The following MARCHF1 variants were observed in gnomAD, a reference collection of about 807,000 sequenced individuals.
The protein encoded by MARCHF1 is membrane associated ring-CH-type finger 1.
MARCHF1 carries 40 observed loss-of-function variants against 54.2 expected under a neutral mutation model. The ratio of observed to expected loss-of-function variants is 0.74; its 90% confidence interval spans 0.57 to 0.96. The LOEUF is 0.96. MARCHF1 is among the 40% of genes least tolerant of loss of function. The probability of loss-of-function intolerance (pLI) is 0.00; values close to 1 mark genes in which losing one functional copy is unlikely to be tolerated. For missense variants in MARCHF1, 586 were observed against 656.5 expected (o/e 0.89, Z 1.17); for synonymous variants, 236 against 236.3 (o/e 1.00, Z 0.01).
At chr4:164,103,151 C>T (rs1236516330) in intron 2 of MARCHF1, among the ~76,000 whole-genome samples, 1 of 48,772 alleles carries the variant, frequency 2.1e-5, no homozygotes, top group African/African-American at 6.7e-5. Context: ...CTTAGACTCC[C>T]ACACATTAAT....
chr4:163,767,973 A>C (rs892344287), intron 4 of MARCHF1, among the ~76,000 whole-genome samples: 5 of 152,172 alleles, frequency 3.3e-5, no homozygotes, highest in African/African-American at 1.2e-4. Flanking sequence ...TTTGGTTTAA[A>C]GTTTCAGCTT....
At chr4:164,216,399 G>A (rs1731930785) in intron 1 of MARCHF1, among the ~76,000 whole-genome samples, 1 of 152,122 alleles carries the variant, frequency 6.6e-6, no homozygotes, top group African/African-American at 2.4e-5. Flanking sequence ...AAATCTGCAA[G>A]TCTCATCAGT....
intron 3 of MARCHF1, among the ~76,000 whole-genome samples, chr4:163,862,365 A>G (rs1749957924): frequency 6.6e-6 from 1 of 152,072 alleles, no homozygotes; most frequent in Non-Finnish European, 1.5e-5. Context: ...CAACAATTAG[A>G]AAGTGAAGTA....
intron 4 of MARCHF1, among the ~76,000 whole-genome samples, chr4:163,716,957 C>T (rs1404709395): frequency 4.6e-5 from 7 of 151,986 alleles, no homozygotes; most frequent in South Asian, 2.1e-4. Flanking sequence ...TTAAATTTAA[C>T]ACTTATTAAA....
chr4:164,165,350 C>T (rs1455534693), intron 1 of MARCHF1, among the ~76,000 whole-genome samples: 1 of 148,792 alleles, frequency 6.7e-6, no homozygotes, highest in Non-Finnish European at 1.5e-5. Flanking sequence ...AACACAAGCA[C>T]GTTTTCTCTC....
intron 4 of MARCHF1, among the ~76,000 whole-genome samples, chr4:163,844,724 TG>T (rs1284462131): frequency 7.2e-5 from 11 of 152,212 alleles, no homozygotes; most frequent in Admixed American, 7.2e-4. Flanking sequence ...ATTCCTATTT[TG>T]TTCCATGATA....
At chr4:163,611,191 A>G (rs1486494913) in intron 7 of MARCHF1, among the ~76,000 whole-genome samples, 1 of 152,094 alleles carries the variant, frequency 6.6e-6, no homozygotes, top group East Asian at 1.9e-4. Flanking sequence ...ATTATTTTCA[A>G]TGTCTAGAAT....
At chr4:163,752,112 G>A (rs2110784731) in intron 4 of MARCHF1, among the ~76,000 whole-genome samples, 1 of 152,300 alleles carries the variant, frequency 6.6e-6, no homozygotes, top group African/African-American at 2.4e-5. Context: ...GAAGACGGCT[G>A]TAATAATGTG....
chr4:163,624,830 G>A (rs906310862), intron 5 of MARCHF1, among the ~76,000 whole-genome samples: 3 of 152,172 alleles, frequency 2.0e-5, no homozygotes, highest in African/African-American at 7.2e-5. Flanking sequence ...TTGAGAAATA[G>A]GAAAATATTA....
intron 5 of MARCHF1, 55 bp downstream of exon 5, chr4:163,700,758 T>C: frequency 8.0e-7 from 1 of 1,245,726 alleles, no homozygotes; most frequent in Non-Finnish European, 1.1e-6. Flanking sequence ...TAAACATTTA[T>C]GTGAACTCAT....
At chr4:163,708,164 T>C (rs904816245) in intron 4 of MARCHF1, among the ~76,000 whole-genome samples, 2 of 151,678 alleles carry the variant, frequency 1.3e-5, no homozygotes, top group African/African-American at 4.8e-5. Context: ...AGGCTCATTG[T>C]ACTCTTTTGA....
intron 2 of MARCHF1, among the ~76,000 whole-genome samples, chr4:164,098,170 A>T (rs754233221): frequency 6.6e-5 from 10 of 152,162 alleles, no homozygotes; most frequent in Non-Finnish European, 1.0e-4. Context: ...ATCTAAAACA[A>T]AATTTCAGAT....
intron 4 of MARCHF1, among the ~76,000 whole-genome samples, chr4:163,824,029 T>C (rs1748773290): frequency 6.6e-6 from 1 of 151,448 alleles, no homozygotes; most frequent in Non-Finnish European, 1.5e-5. Context: ...TATCACAATA[T>C]CTAGAAAAGC....
chr4:164,299,040 TA>T (rs1170100327), intron 1 of MARCHF1, among the ~76,000 whole-genome samples: 2 of 152,288 alleles, frequency 1.3e-5, no homozygotes, highest in Non-Finnish European at 2.9e-5. Flanking sequence ...CATTTTAAAG[TA>T]TGCAGTCATA....
intron 7 of MARCHF1, among the ~76,000 whole-genome samples, chr4:163,589,526 C>T (rs1399621429): frequency 6.6e-6 from 1 of 151,818 alleles, no homozygotes; most frequent in Non-Finnish European, 1.5e-5. Context: ...TGAGATTGTT[C>T]TAAATAAATT....
chr4:164,062,619 G>A (rs549073958), intron 2 of MARCHF1, among the ~76,000 whole-genome samples: 1 of 152,062 alleles, frequency 6.6e-6, no homozygotes, highest in African/African-American at 2.4e-5. Context: ...CCACCTCCTG[G>A]GTTCCAGCTA....
chr4:163,685,978 A>G (rs1744257805), intron 5 of MARCHF1, among the ~76,000 whole-genome samples: 1 of 152,174 alleles, frequency 6.6e-6, no homozygotes, highest in Non-Finnish European at 1.5e-5. Flanking sequence ...ACTGAGGGCA[A>G]ATTATTTAGT....
intron 5 of MARCHF1, among the ~76,000 whole-genome samples, chr4:163,634,218 C>T (rs1003488651): frequency 6.6e-6 from 1 of 151,766 alleles, no homozygotes; most frequent in African/African-American, 2.4e-5. Flanking sequence ...CTAACATCAT[C>T]ATGACAGGAT....
intron 4 of MARCHF1, among the ~76,000 whole-genome samples, chr4:163,711,099 A>G (rs920443734): frequency 2.0e-5 from 3 of 151,824 alleles, no homozygotes; most frequent in Admixed American, 2.0e-4. Flanking sequence ...TTTGTAAATG[A>G]CGTGTAATTT....
Sources: gnomAD v4.1 joint callset for allele counts (sites outside exome capture counted in the v4.1 genomes callset) on GRCh38, gnomAD v4.1.1 for gene constraint, MANE v1.5 for transcripts, NCBI Gene and HGNC (gene_info 2026-07-23, HGNC 2026-07-21) for gene names.